Variants in BMPR1A observed in about 807,000 individuals in gnomAD.
BMPR1A encodes the protein bone morphogenetic protein receptor type-1A.
In BMPR1A, 7 loss-of-function variants were observed where a neutral mutation model predicts 66.0. The observed-to-expected ratio is 0.11, with a 90% confidence interval of 0.06 to 0.20. The LOEUF (loss-of-function observed/expected upper bound fraction) is 0.20, where lower values mean the gene tolerates loss of function less well. BMPR1A is among the 10% of genes least tolerant of loss of function. The probability of loss-of-function intolerance (pLI) is 1.00; values close to 1 mark genes in which losing one functional copy is unlikely to be tolerated. For synonymous variants in BMPR1A, 200 were observed against 229.7 expected (o/e 0.87, Z 1.17); for missense variants, 408 against 669.1 (o/e 0.61, Z 4.31).
chr10:86,816,577 T>TA (rs1208320179), intron 1 of BMPR1A, among the ~76,000 whole-genome samples: 1 of 152,236 alleles, frequency 6.6e-6, no homozygotes, highest in African/African-American at 2.4e-5. Context: ...GATCAGGAGA[T>TA]ACACTTCCTT....
At chr10:86,879,877 A>G (rs115327090) in intron 3 of BMPR1A, among the ~76,000 whole-genome samples, 1,591 of 152,340 alleles carry the variant, frequency 0.01, 26 homozygotes, top group African/African-American at 0.036. Flanking sequence ...CAACCTCAGT[A>G]TTCACTGCTC....
At chr10:86,837,615 G>A (rs1035817414) in intron 1 of BMPR1A, among the ~76,000 whole-genome samples, 9 of 152,170 alleles carry the variant, frequency 5.9e-5, no homozygotes, top group Admixed American at 5.9e-4. Flanking sequence ...CATCTCAGAA[G>A]AACACTGAAC....
chr10:86,787,748 C>G (rs112250793), intron 1 of BMPR1A, among the ~76,000 whole-genome samples: 1 of 152,108 alleles, frequency 6.6e-6, no homozygotes, highest in Non-Finnish European at 1.5e-5. Context: ...AGGAAACTTA[C>G]AATCATGGCA....
intron 3 of BMPR1A, among the ~76,000 whole-genome samples, chr10:86,885,825 T>C (rs1187837074): frequency 6.6e-6 from 1 of 152,216 alleles, no homozygotes; most frequent in Non-Finnish European, 1.5e-5. Flanking sequence ...CAGAGGGCAT[T>C]TATTTGCTGT....
intron 3 of BMPR1A, 92 bp downstream of exon 3, chr10:86,876,177 T>G (rs1025549255): frequency 2.4e-6 from 3 of 1,256,108 alleles, no homozygotes; most frequent in Admixed American, 3.4e-5. Flanking sequence ...GTTTGAATAG[T>G]TAGGCCCAGC....
At chr10:86,884,244 G>A (rs1843034342) in intron 3 of BMPR1A, among the ~76,000 whole-genome samples, 2 of 151,690 alleles carry the variant, frequency 1.3e-5, no homozygotes, top group South Asian at 2.1e-4. Flanking sequence ...TCCACCACAC[G>A]CAGCTAATTT....
intron 2 of BMPR1A, among the ~76,000 whole-genome samples, chr10:86,861,468 C>T (rs1490198449): frequency 6.6e-6 from 1 of 152,174 alleles, no homozygotes; most frequent in Non-Finnish European, 1.5e-5. Context: ...CACATACTAC[C>T]TTTGAACCTT....
At chr10:86,889,871 C>A in intron 3 of BMPR1A, 191 bp from the exon 4 acceptor site, 1 of 651,188 alleles carries the variant, frequency 1.5e-6, no homozygotes, top group Non-Finnish European at 2.6e-6. Flanking sequence ...CCCGCAATAC[C>A]TGGTGCAGTA....
chr10:86,809,739 A>G (rs929651917), intron 1 of BMPR1A, among the ~76,000 whole-genome samples: 1 of 151,288 alleles, frequency 6.6e-6, no homozygotes, highest in African/African-American at 2.4e-5. Context: ...CAGGACGCCT[A>G]CCCGCAAACA....
intron 3 of BMPR1A, among the ~76,000 whole-genome samples, chr10:86,883,447 G>A (rs78474199): frequency 0.057 from 8,669 of 151,046 alleles, 538 homozygotes; most frequent in African/African-American, 0.16. Flanking sequence ...CTACTCAGGA[G>A]GCTGAGGCAG....
intron 1 of BMPR1A, among the ~76,000 whole-genome samples, chr10:86,763,974 G>A (rs1450650443): frequency 6.6e-6 from 1 of 151,946 alleles, no homozygotes; most frequent in African/African-American, 2.4e-5. Context: ...CTATTTTTTA[G>A]TAGAGACAGG....
intron 3 of BMPR1A, among the ~76,000 whole-genome samples, chr10:86,881,293 C>CA (rs1254150640): frequency 6.6e-6 from 1 of 152,068 alleles, no homozygotes; most frequent in Non-Finnish European, 1.5e-5. Flanking sequence ...CTAATGAAGT[C>CA]ATTAATTTTG....
At position 86,864,950 on chromosome 10, in the gene BMPR1A, C is replaced by T. The variant is rs184440658; in HGVS notation, c.-152-10917C>T. 2.7e-3 allele frequency among the ~76,000 whole-genome samples: 407 copies of T among 151,696 alleles called. 1 individual carries two copies. Among genetic ancestry groups the T allele is most frequent in the African/African-American group, 8.8e-3 (364 of 41,182 alleles). On this transcript the variant is annotated intron_variant, in intron 2 of 12. Transcript: ENST00000372037. ...CCGCTTGAAGCAGCCCTGAGAAACA[C>T]CGCCCATTCTCTCTCCATACCACCC... is the stretch of plus-strand genomic sequence containing the variant.
intron 2 of BMPR1A, among the ~76,000 whole-genome samples, chr10:86,859,164 A>G (rs1227642541): frequency 1.3e-5 from 2 of 152,188 alleles, no homozygotes; most frequent in African/African-American, 4.8e-5. Context: ...TGCTTTGGGG[A>G]AAAGACAGTC....
intron 1 of BMPR1A, among the ~76,000 whole-genome samples, chr10:86,766,617 CT>C (rs71019427): frequency 6.8e-4 from 89 of 131,218 alleles, no homozygotes; most frequent in Admixed American, 6.7e-4. Flanking sequence ...TCATATCAGT[CT>C]TTTTTTTTTT....
At chr10:86,909,149 T>G (rs1003629148) in intron 7 of BMPR1A, among the ~76,000 whole-genome samples, 4 of 152,096 alleles carry the variant, frequency 2.6e-5, no homozygotes, top group African/African-American at 9.7e-5. Context: ...ATAATATAAC[T>G]GTAAGGAGGA....
At chr10:86,881,083 C>CA (rs1012340684) in intron 3 of BMPR1A, among the ~76,000 whole-genome samples, 105 of 148,988 alleles carry the variant, frequency 7.0e-4, no homozygotes, top group African/African-American at 1.9e-3. Flanking sequence ...CTGGTCTCTA[C>CA]AAAAAAAAAA....
chr10:86,789,757 A>G (rs1449228621), intron 1 of BMPR1A, among the ~76,000 whole-genome samples: 1 of 151,980 alleles, frequency 6.6e-6, no homozygotes, highest in Non-Finnish European at 1.5e-5. Flanking sequence ...TAGAAAACCA[A>G]AAATCTAATT....
chr10:86,805,377 TAC>T (rs60828047), intron 1 of BMPR1A, among the ~76,000 whole-genome samples: 213 of 142,856 alleles, frequency 1.5e-3, no homozygotes, highest in African/African-American at 1.9e-3. Context: ...CTCCTACCTG[TAC>T]ACACACACAC....
Sources: allele counts gnomAD v4.1 joint callset (sites outside exome capture counted in the v4.1 genomes callset), GRCh38; gene constraint gnomAD v4.1.1; transcripts MANE v1.5; gene names NCBI Gene and HGNC (gene_info 2026-07-23, HGNC 2026-07-21).